FRMD4A: variants seen among roughly 807,000 people sequenced by gnomAD.
The protein encoded by FRMD4A is FERM domain containing 4A.
Under a neutral mutation model 129.1 loss-of-function variants are expected in FRMD4A, and 29 were observed. The ratio of observed to expected loss-of-function variants is 0.22; its 90% CI spans 0.17 to 0.31. FRMD4A has a LOEUF of 0.31. Among genes scored for constraint, FRMD4A ranks in the 10% least tolerant of loss-of-function variants. FRMD4A has a pLI of 1.00. For missense variants in FRMD4A, 1,272 were observed against 1,375.8 expected (o/e 0.92, Z 1.19); for synonymous variants, 634 against 571.6 (o/e 1.11, Z -1.56).
At chr10:13,889,076 C>CG (rs2094662201) in intron 2 of FRMD4A, among the ~76,000 whole-genome samples, 1 of 152,214 alleles carries the variant, frequency 6.6e-6, no homozygotes, top group Non-Finnish European at 1.5e-5. Flanking sequence ...CAAACACACA[C>CG]GCACCAGCAT....
At chr10:13,773,885 C>T (rs4750412) in intron 6 of FRMD4A, among the ~76,000 whole-genome samples, 47,821 of 152,054 alleles carry the variant, frequency 0.31, 8,368 homozygotes, top group East Asian at 0.57. Context: ...GAAGCCACAC[C>T]GGAAGAGGGA....
At chr10:13,855,831 T>A (rs927790738) in intron 3 of FRMD4A, among the ~76,000 whole-genome samples, 1 of 152,082 alleles carries the variant, frequency 6.6e-6, no homozygotes, top group Admixed American at 6.6e-5. Flanking sequence ...ACAGATAGAA[T>A]CCTGGGCAAC....
At chr10:13,975,272 T>TCTGTGTATA (rs1347255155) in intron 2 of FRMD4A, among the ~76,000 whole-genome samples, 2 of 151,976 alleles carry the variant, frequency 1.3e-5, no homozygotes, top group East Asian at 3.9e-4. Context: ...TGTGTCTGTG[T>TCTGTGTATA]CTGTGTATAT....
At chr10:13,717,607 C>A (rs2088936165) in intron 12 of FRMD4A, among the ~76,000 whole-genome samples, 1 of 116,744 alleles carries the variant, frequency 8.6e-6, no homozygotes, top group Non-Finnish European at 1.7e-5. Flanking sequence ...AGCCAACGCA[C>A]CCGGCTAAAT....
At chr10:13,923,116 C>A (rs986680611) in intron 2 of FRMD4A, among the ~76,000 whole-genome samples, 1 of 152,102 alleles carries the variant, frequency 6.6e-6, no homozygotes. Flanking sequence ...TGGTGGGAAA[C>A]CCTAGAGTGG....
rs1364431712 is a variant in FRMD4A, at chr10:13,701,418, T to C, written c.897A>G (p.Ala299=). The change falls in exon 14 of 25, where the codon GCA becomes GCG. Residue 299 remains alanine, a synonymous_variant. Coordinates refer to ENST00000357447, the MANE Select transcript of FRMD4A (RefSeq NM_018027.5). The stretch of plus-strand genomic sequence containing the variant: ...AGATGGACTTGATCAATGCCGGACA[T>C]GCATACCACGTGTGCACTGCAATGC... ...HSGIAVHTWY[A]CPALIKSIWA... 1.2e-6 allele frequency: 2 copies of C among 1,613,860 alleles called. No individual in the cohort carries two copies. Among genetic ancestry groups the C allele is most frequent in the Non-Finnish European group, 1.7e-6 (2 of 1,179,722 alleles).
chr10:13,781,949 A>T (rs533050973), intron 6 of FRMD4A, among the ~76,000 whole-genome samples: 1 of 152,136 alleles, frequency 6.6e-6, no homozygotes, highest in Non-Finnish European at 1.5e-5. Flanking sequence ...TGAACTGCAC[A>T]CTTAAAAATG....
chr10:13,699,160 A>T (rs1391366499), intron 14 of FRMD4A, among the ~76,000 whole-genome samples: 1 of 146,116 alleles, frequency 6.8e-6, no homozygotes, highest in Non-Finnish European at 1.5e-5. Flanking sequence ...GGTTCAAGCA[A>T]TTCTCCTCCC....
rs942650524 is a variant in FRMD4A at position 13,659,533 on chromosome 10, G to A, written c.1899-43C>T. On this transcript the variant is annotated intron_variant, in intron 20 of 24. Coordinates refer to ENST00000357447, the MANE Select transcript of FRMD4A (RefSeq NM_018027.5). ...CCACGTGGTCACCGCCAGACAGACA[G>A]CACCTTTCCTGGGGGGCTGGCTAGT... is the stretch of plus-strand genomic sequence containing the variant. The A allele has an allele frequency of 8.2e-6, 13 of 1,584,502 alleles. No individual in the cohort carries two copies. The East Asian group carries it at 2.9e-4, about 36-fold the overall frequency.
intron 2 of FRMD4A, among the ~76,000 whole-genome samples, chr10:13,994,409 C>T (rs778970411): frequency 5.3e-5 from 8 of 151,970 alleles, no homozygotes; most frequent in East Asian, 1.9e-4. Context: ...GATCTCCCGA[C>T]CTCATGATCT....
rs1479018198 is a variant in FRMD4A, at chr10:13,703,140, A to G, written c.837-1662T>C. ...AAAAGCTGAATTAGACAAGAACAGT[A>G]TCTTGAAAGGTGGTGCAAGGCTAGG... On this transcript the variant is annotated intron_variant, in intron 13 of 24. Coordinates refer to ENST00000357447, the MANE Select transcript of FRMD4A (RefSeq NM_018027.5). 1.3e-5 allele frequency among the ~76,000 whole-genome samples: 2 copies of G among 152,232 alleles called. 1 individual carries two copies. The highest frequency in any genetic ancestry group is 4.2e-4 in the South Asian group (2 of 4,802).
chr10:14,018,108 A>T (rs1373897552), intron 2 of FRMD4A, among the ~76,000 whole-genome samples: 1 of 152,096 alleles, frequency 6.6e-6, no homozygotes, highest in Non-Finnish European at 1.5e-5. Flanking sequence ...TGAAAATTAC[A>T]TGAGATAGCA....
At chr10:13,988,624 G>A (rs1324003087) in intron 2 of FRMD4A, among the ~76,000 whole-genome samples, 2 of 152,194 alleles carry the variant, frequency 1.3e-5, no homozygotes. Context: ...GTACATGGAT[G>A]GATGAATTGG....
At chr10:14,229,027 G>T (rs934364221) in intron 2 of FRMD4A, among the ~76,000 whole-genome samples, 1 of 151,986 alleles carries the variant, frequency 6.6e-6, no homozygotes, top group African/African-American at 2.4e-5. Context: ...CTGTTCATGT[G>T]GACTTTTCTT....
At chr10:13,652,114 A>G in intron 23 of FRMD4A, 140 bp from the exon 24 acceptor site, 1 of 683,188 alleles carries the variant, frequency 1.5e-6, no homozygotes, top group Non-Finnish European at 2.7e-6. Flanking sequence ...GCAACAGATC[A>G]TACAAGTCAT....
intron 2 of FRMD4A, among the ~76,000 whole-genome samples, chr10:14,024,199 C>G (rs1832887113): frequency 6.6e-6 from 1 of 152,216 alleles, no homozygotes; most frequent in African/African-American, 2.4e-5. Flanking sequence ...GGTTTTCTCC[C>G]CTGACCGCAC....
At chr10:13,866,272 C>A in intron 2 of FRMD4A, 2 of 980,802 alleles carry the variant, frequency 2.0e-6, no homozygotes, top group Non-Finnish European at 2.4e-6. Context: ...GCTGACAGCA[C>A]GTCTTCCCCG....
At chr10:13,805,145 C>CA (rs879836901) in intron 4 of FRMD4A, among the ~76,000 whole-genome samples, 6 of 149,344 alleles carry the variant, frequency 4.0e-5, no homozygotes, top group Non-Finnish European at 4.5e-5. Flanking sequence ...TCTTTTCTTT[C>CA]TTTTTTTTTT....
intron 4 of FRMD4A, among the ~76,000 whole-genome samples, chr10:13,797,049 T>C (rs940518383): frequency 6.6e-6 from 1 of 152,112 alleles, no homozygotes; most frequent in Non-Finnish European, 1.5e-5. Context: ...CTTTTCAGTA[T>C]TGAAGAACCC....
Sources: allele counts gnomAD v4.1 joint callset (sites outside exome capture counted in the v4.1 genomes callset), GRCh38; gene constraint gnomAD v4.1.1; transcripts MANE v1.5; gene names NCBI Gene and HGNC (gene_info 2026-07-23, HGNC 2026-07-21).